The following CRYM variants were observed in gnomAD, a reference collection of about 807,000 sequenced individuals.
CRYM encodes the protein ketimine reductase mu-crystallin.
In CRYM, 18 loss-of-function variants were observed where a neutral mutation model predicts 32.9. The observed-to-expected ratio is 0.55, with a 90% CI of 0.38 to 0.81. CRYM has a LOEUF of 0.81. Among genes scored for constraint, CRYM ranks in the 30% least tolerant of loss-of-function variants. The pLI is 0.00. For missense variants in CRYM, 337 were observed against 393.5 expected (o/e 0.86, Z 1.21); for synonymous variants, 153 against 152.4 (o/e 1.00, Z -0.03).
chr16:21,301,712 A>T (rs893436153), intron 1 of CRYM, among the ~76,000 whole-genome samples: 1 of 152,192 alleles, frequency 6.6e-6, no homozygotes, highest in Non-Finnish European at 1.5e-5. Context: ...CGCTCCGCGC[A>T]CTGCGCGCCC....
chr16:21,278,634 G>C, upstream of CRYM: 1 of 273,020 alleles, frequency 3.7e-6, no homozygotes, highest in South Asian at 4.6e-5. Context: ...ACCGTGCCTG[G>C]GAAAGAATGG....
At chr16:21,289,136 ATTTG>A (rs1442909360) in intron 1 of CRYM, among the ~76,000 whole-genome samples, 6 of 152,024 alleles carry the variant, frequency 3.9e-5, no homozygotes, top group Non-Finnish European at 8.8e-5. Flanking sequence ...CATATCTTAT[ATTTG>A]TTTGATCAAT....
chr16:21,276,935 G>C (rs777835373), intron 2 of CRYM, among the ~76,000 whole-genome samples: 1 of 144,018 alleles, frequency 6.9e-6, no homozygotes, highest in Non-Finnish European at 1.5e-5. Context: ...GTTTAGAAAA[G>C]TGCCTGATGC....
In CRYM at chr16:21,261,261, C is replaced by T. The variant is rs1567230843; in HGVS notation, c.873G>A (p.Lys291=). The T allele has an allele frequency of 1.2e-6, 2 of 1,613,612 alleles. No individual in the cohort carries two copies. The highest frequency in any genetic ancestry group is 1.7e-6 in the Non-Finnish European group (2 of 1,179,592). ...GGGAGCAATGGATCTTACCCAAAGACTTGAACACGGTGGTCTTCTCACAGT... is the reference window on the plus strand; with the variant it reads ...GGGAGCAATGGATCTTACCCAAAGATTTGAACACGGTGGTCTTCTCACAGT... ...PAHCEKTTVF[K]SLGMAVEDTV... Residue 291 remains lysine, a synonymous_variant, in exon 7 of 8, where the codon AAG becomes AAA. Coordinates refer to ENST00000572914, the MANE Select transcript of CRYM (RefSeq NM_001376256.1).
intron 6 of CRYM, 84 bp from the exon 7 acceptor site, chr16:21,261,422 G>A: frequency 1.2e-6 from 1 of 840,590 alleles, no homozygotes; most frequent in Non-Finnish European, 2.0e-6. Context: ...GGGAATTCCT[G>A]AATTGGATAA....
Position 21,269,770 on chromosome 16 carries a change from A to ACCCCCCC in CRYM, c.489+19_489+20insGGGGGGG, listed in dbSNP as rs1567233306. The ACCCCCCC allele has an allele frequency of 1.7e-5, 7 of 421,320 alleles. No individual in the cohort carries two copies. The highest frequency in any genetic ancestry group is 4.3e-5 in the South Asian group (2 of 46,544). The allele number at this position is 421,320 out of a possible 1,614,324, so 26.1% of individuals were successfully genotyped here. A position where few individuals can be genotyped will look rare whatever the true frequency, so the allele number is the denominator to read the frequency against. On this transcript the variant is annotated intron_variant, in intron 4 of 7. Coordinates refer to ENST00000572914, the MANE Select transcript of CRYM (RefSeq NM_001376256.1). ...ACCACCCCCTTCCCTCTTCTCTCCC[A>ACCCCCCC]CCCCCACCCCTGGACTTACCTCCTT...
chr16:21,264,549 C>T (rs770715293), intron 5 of CRYM, among the ~76,000 whole-genome samples: 2 of 152,148 alleles, frequency 1.3e-5, no homozygotes, highest in East Asian at 1.9e-4. Context: ...CCTGTCCCTC[C>T]GCTGAGCTGT....
In CRYM at chr16:21,275,597, T is replaced by G. The variant is rs1010918584; in HGVS notation, c.325-3A>C. ...GTTATGACATTTCCATCCATGACCT[T>G]GGAGGAAAAGAGAGACAGTGAGCAA... On this transcript the variant is annotated splice_polypyrimidine_tract_variant and splice_region_variant and intron_variant, in intron 2 of 7. Coordinates refer to ENST00000572914, the MANE Select transcript of CRYM (RefSeq NM_001376256.1). 9.9e-6 allele frequency: 16 copies of G among 1,613,246 alleles called. No homozygotes were observed. In the Admixed American group the frequency reaches 1.8e-4, roughly 18 times the overall value.
At chr16:21,263,097 T>C (rs1047550358) in intron 5 of CRYM, among the ~76,000 whole-genome samples, 3 of 152,114 alleles carry the variant, frequency 2.0e-5, no homozygotes, top group Non-Finnish European at 4.4e-5. Flanking sequence ...TGGAGTGTAG[T>C]GGTGCAATCA....
upstream of CRYM, among the ~76,000 whole-genome samples, chr16:21,283,209 A>G (rs936563081): frequency 6.6e-6 from 1 of 152,306 alleles, no homozygotes. Flanking sequence ...GCAGCAGGGT[A>G]GAGCTGTACC....
chr16:21,295,523 A>G (rs1194525948), intron 1 of CRYM, among the ~76,000 whole-genome samples: 1 of 151,942 alleles, frequency 6.6e-6, no homozygotes, highest in Non-Finnish European at 1.5e-5. Context: ...GGGGTTTTGG[A>G]ATAGGTAGTT....
At chr16:21,265,081 T>G (rs1455421288) in intron 5 of CRYM, among the ~76,000 whole-genome samples, 1 of 152,188 alleles carries the variant, frequency 6.6e-6, no homozygotes, top group Non-Finnish European at 1.5e-5. Flanking sequence ...AGTCCATCTT[T>G]CTGAAGATGC....
intron 5 of CRYM, 148 bp downstream of exon 5, chr16:21,267,406 T>C: frequency 1.2e-6 from 1 of 867,236 alleles, no homozygotes; most frequent in Non-Finnish European, 1.9e-6. Context: ...CCAAATATTG[T>C]TTTTTTCAAT....
upstream of CRYM, among the ~76,000 whole-genome samples, chr16:21,279,669 G>A (rs1280975318): frequency 6.6e-6 from 1 of 152,238 alleles, no homozygotes; most frequent in Non-Finnish European, 1.5e-5. Context: ...GAACAGATGA[G>A]CGAGAGCAGA....
chr16:21,274,174 A>G (rs1183661517), intron 3 of CRYM, among the ~76,000 whole-genome samples: 1 of 152,174 alleles, frequency 6.6e-6, no homozygotes, highest in Non-Finnish European at 1.5e-5. Flanking sequence ...TCCCACAGAC[A>G]CCCTGTTTCC....
intron 3 of CRYM, among the ~76,000 whole-genome samples, chr16:21,271,950 C>G (rs1181900902): frequency 1.3e-5 from 2 of 151,862 alleles, no homozygotes; most frequent in Non-Finnish European, 2.9e-5. Flanking sequence ...CCTCTGCTTC[C>G]TGGGTTCAAG....
At chr16:21,286,617 T>C (rs147479017) in intron 1 of CRYM, among the ~76,000 whole-genome samples, 1,708 of 152,276 alleles carry the variant, frequency 0.011, 14 homozygotes, top group Admixed American at 0.019. Context: ...TACCAAGACA[T>C]ATCAGAATTG....
chr16:21,297,147 A>G (rs1406862667), intron 1 of CRYM, among the ~76,000 whole-genome samples: 1 of 152,072 alleles, frequency 6.6e-6, no homozygotes, highest in Non-Finnish European at 1.5e-5. Flanking sequence ...TAATCCCAGC[A>G]CTTTGGGAGG....
chr16:21,269,766 T>TCCCCCCCCCCCCCCCCCCCCCCCCC, intron 4 of CRYM, 24 bp downstream of exon 4: 1 of 690,476 alleles, frequency 1.4e-6, no homozygotes, highest in Non-Finnish European at 2.6e-6. Context: ...CCCTCTTCTC[T>TCCCCCCCCCCCCCCCCCCCCCCCCC]CCCACCCCCA....
Sources: gnomAD v4.1 joint callset for allele counts (sites outside exome capture counted in the v4.1 genomes callset) on GRCh38, gnomAD v4.1.1 for gene constraint, MANE v1.5 for transcripts, NCBI Gene and HGNC (gene_info 2026-07-23, HGNC 2026-07-21) for gene names.